Variants in CP observed in about 807,000 individuals in gnomAD.
CP encodes the protein caeruloplasmin.
CP carries 64 observed loss-of-function variants against 122.4 expected under a neutral mutation model. The observed-to-expected ratio is 0.52, with a 90% CI of 0.43 to 0.64. The LOEUF is 0.64. Ranked by LOEUF, CP falls within the 30% of genes least tolerant of loss-of-function variation. CP has a pLI of 0.00. For synonymous variants in CP, 440 were observed against 436.4 expected (o/e 1.01, Z -0.10); for missense variants, 1,167 against 1,284.4 (o/e 0.91, Z 1.40).
intron 7 of CP, 169 bp from the exon 8 acceptor site, chr3:149,200,033 T>C (rs1727194370): frequency 1.5e-6 from 1 of 663,110 alleles, no homozygotes; most frequent in Non-Finnish European, 2.6e-6. Flanking sequence ...CAATCTGATA[T>C]GTCGAGGTTG....
In CP at chr3:149,194,852, A is replaced by G. The variant is rs186414685; in HGVS notation, c.1713+3515T>C. On this transcript the variant is annotated intron_variant, in intron 9 of 18. Coordinates refer to ENST00000264613, the MANE Select transcript of CP (RefSeq NM_000096.4). ...GGTTCAGTAGAAAGAATAAGGAAGCAAAAATAGCCATTAAAATGATGGAAA... is the reference window on the plus strand; with the variant it reads ...GGTTCAGTAGAAAGAATAAGGAAGCGAAAATAGCCATTAAAATGATGGAAA... Among the ~76,000 whole-genome samples, 311 of 152,334 alleles carry G rather than the reference A, an allele frequency of 2.0e-3. 2 individuals are homozygous for G. The highest frequency in any genetic ancestry group is 7.1e-3 in the African/African-American group (295 of 41,584).
Position 149,212,458 on chromosome 3 carries a change from T to C in CP, c.387A>G (p.Glu129=). Residue 129 remains glutamate, a synonymous_variant, in exon 2 of 19, where the codon GAA becomes GAG. Transcript: ENST00000264613. ...TACATGAGCTGAACTTACCCTCATG[T>C]TCCTTATAGTAAGTTATTCCATGTG... ...FHSHGITYYK[E]HEGAIYPDNT... 6.2e-7 allele frequency: 1 copy of C among 1,614,004 alleles called. No homozygotes were observed. The highest frequency in any genetic ancestry group is 8.5e-7 in the Non-Finnish European group (1 of 1,179,958).
intron 13 of CP, among the ~76,000 whole-genome samples, 158 bp from the exon 14 acceptor site, chr3:149,182,291 G>A (rs1263164781): frequency 6.6e-6 from 1 of 152,142 alleles, no homozygotes; most frequent in Non-Finnish European, 1.5e-5. Context: ...TCAATACACT[G>A]GAAATAAAAA....
chr3:149,163,612 T>C (rs554525689), intron 5 of CP, among the ~76,000 whole-genome samples: 2 of 152,338 alleles, frequency 1.3e-5, no homozygotes, highest in East Asian at 1.9e-4. Flanking sequence ...AAGTGCCTCT[T>C]TGGAGTATTT....
chr3:149,171,233 G>T (rs576407711), downstream of CP, among the ~76,000 whole-genome samples: 31 of 151,760 alleles, frequency 2.0e-4, no homozygotes, highest in African/African-American at 7.2e-4. Context: ...AGCTGAGATC[G>T]CACCACTGCA....
At chr3:149,192,960 A>C (rs1228306698) in intron 9 of CP, among the ~76,000 whole-genome samples, 1 of 146,080 alleles carries the variant, frequency 6.8e-6, no homozygotes, top group Non-Finnish European at 1.5e-5. Context: ...TAAGAAGTAC[A>C]TTTCATGTTG....
intron 5 of CP, among the ~76,000 whole-genome samples, chr3:149,206,838 A>G (rs542063481): frequency 2.6e-5 from 4 of 152,234 alleles, no homozygotes; most frequent in Non-Finnish European, 5.9e-5. Flanking sequence ...TTGCACGTCA[A>G]AGTAAAATAT....
intron 6 of CP, among the ~76,000 whole-genome samples, chr3:149,202,605 CTTTTT>C (rs34873592): frequency 3.7e-5 from 4 of 106,812 alleles, no homozygotes; most frequent in African/African-American, 1.3e-4. Context: ...TGTTGTTTGT[CTTTTT>C]TTTTTTTTTT....
In CP at chr3:149,199,845, C is replaced by G; in HGVS notation, c.1368G>C (p.Glu456Asp). Residue 456 changes from glutamate to aspartate, a missense_variant, in exon 8 of 19, where the codon GAG (glutamate) becomes GAC (aspartate). Physicochemically the swap from Glu to Asp is conservative, Grantham distance 45. This residue lies in a region of CP where 642 missense variants were observed against 627.3 expected (regional missense o/e 1.02). Coordinates refer to ENST00000264613, the MANE Select transcript of CP (RefSeq NM_000096.4). Reference protein sequence around the residue: ...LGILGPVIWAEVGDTIRVTFH... With the variant: ...LGILGPVIWADVGDTIRVTFH... ...AGGTTACTCTGATGGTGTCTCCCAC[C>G]TCTGCCCAAATGACAGGACCTGGGA... The G allele has an allele frequency of 6.2e-7, 1 of 1,614,126 alleles. No individual in the cohort carries two copies. Among genetic ancestry groups the G allele is most frequent in the Non-Finnish European group, 8.5e-7 (1 of 1,179,970 alleles).
chr3:149,217,364 C>T (rs1349694116), intron 1 of CP, among the ~76,000 whole-genome samples: 1 of 152,142 alleles, frequency 6.6e-6, no homozygotes, highest in Non-Finnish European at 1.5e-5. Flanking sequence ...TAGGCTGAGA[C>T]AACATCAGCG....
chr3:149,170,831 G>A (rs1281751003), downstream of CP, among the ~76,000 whole-genome samples: 1 of 152,180 alleles, frequency 6.6e-6, no homozygotes, highest in Non-Finnish European at 1.5e-5. Flanking sequence ...CTGACATGTG[G>A]ATAGAAGATG....
intron 5 of CP, among the ~76,000 whole-genome samples, chr3:149,206,868 T>A (rs1576773384): frequency 1.3e-5 from 2 of 152,296 alleles, no homozygotes; most frequent in East Asian, 1.9e-4. Context: ...TATGTTAAAC[T>A]TAATTTATTC....
intron 1 of CP, among the ~76,000 whole-genome samples, chr3:149,214,405 A>G (rs1728321728): frequency 6.6e-6 from 1 of 152,132 alleles, no homozygotes. Flanking sequence ...TCACTACCAT[A>G]TACCAATACA....
At chr3:149,174,344 G>T (rs770802261) in intron 18 of CP, among the ~76,000 whole-genome samples, 1 of 152,090 alleles carries the variant, frequency 6.6e-6, no homozygotes, top group Non-Finnish European at 1.5e-5. Flanking sequence ...TTCGATCATT[G>T]TATTGTGGTC....
chr3:149,207,600 A>T lies in CP; in HGVS notation c.799T>A (p.Phe267Ile). The change falls in exon 5 of 19, where the codon TTT (phenylalanine) becomes ATT (isoleucine). Residue 267 changes from phenylalanine to isoleucine, a missense_variant. Phe to Ile is a conservative substitution (Grantham distance 21, BLOSUM62 0). Coordinates refer to ENST00000264613, the MANE Select transcript of CP (RefSeq NM_000096.4). ...NRMYSVNGYT[F>I]GSLPGLSMCA... Reference sequence around the variant, plus strand: ...ATGGAGAGTCCTGGGAGACTTCCAAAAGTGTATCCATTCACAGCTGTAAGT... The same window carrying T: ...ATGGAGAGTCCTGGGAGACTTCCAATAGTGTATCCATTCACAGCTGTAAGT... 6.2e-7 allele frequency: 1 copy of T among 1,613,922 alleles called. No homozygotes were observed. The highest frequency in any genetic ancestry group is 8.5e-7 in the Non-Finnish European group (1 of 1,179,784).
Position 149,199,874 on chromosome 3 carries a change from A to C in CP, c.1349-10T>G. 2.5e-6 allele frequency: 4 copies of C among 1,613,664 alleles called. No individual in the cohort carries two copies. Among genetic ancestry groups the C allele is most frequent in the Non-Finnish European group, 3.4e-6 (4 of 1,179,638 alleles). On this transcript the variant is annotated splice_polypyrimidine_tract_variant and intron_variant, in intron 7 of 18. Coordinates refer to ENST00000264613, the MANE Select transcript of CP (RefSeq NM_000096.4). ...GCCCAAATGACAGGACCTGGGAACAAAGAGAGAATTATTATCCTTCCTTGG... is the reference window on the plus strand; with the variant it reads ...GCCCAAATGACAGGACCTGGGAACACAGAGAGAATTATTATCCTTCCTTGG...
chr3:149,177,571 C>T (rs1022605201), intron 17 of CP, among the ~76,000 whole-genome samples: 1 of 152,204 alleles, frequency 6.6e-6, no homozygotes, highest in African/African-American at 2.4e-5. Context: ...ATACCTAATA[C>T]AGTGCCTACA....
intron 9 of CP, among the ~76,000 whole-genome samples, chr3:149,197,134 G>T (rs1236399723): frequency 6.6e-6 from 1 of 151,652 alleles, no homozygotes; most frequent in Non-Finnish European, 1.5e-5. Flanking sequence ...CTATAAAACG[G>T]CCCCACACTT....
intron 18 of CP, among the ~76,000 whole-genome samples, chr3:149,174,581 T>C (rs760263244): frequency 3.3e-5 from 5 of 152,210 alleles, no homozygotes; most frequent in Non-Finnish European, 7.4e-5. Flanking sequence ...TGAATTAATA[T>C]GTTGTTATAC....
Sources: allele counts gnomAD v4.1 joint callset (sites outside exome capture counted in the v4.1 genomes callset), GRCh38; gene constraint gnomAD v4.1.1; regional missense constraint gnomAD v4.1.1; transcripts MANE v1.5; gene names NCBI Gene and HGNC (gene_info 2026-07-23, HGNC 2026-07-21).